The following ART3 variants were observed in gnomAD, a reference collection of about 807,000 sequenced individuals.
The protein encoded by ART3 is ecto-ADP-ribosyltransferase 3.
A neutral mutation model predicts 48.5 loss-of-function variants in ART3; 49 were observed. The ratio of observed to expected loss-of-function variants is 1.01; its 90% CI spans 0.80 to 1.28. ART3 has a LOEUF of 1.28. ART3 is among the 50% of genes most tolerant of loss of function. ART3 has a pLI of 0.00. For missense variants in ART3, 438 were observed against 454.3 expected (o/e 0.96, Z 0.33); for synonymous variants, 145 against 157.2 (o/e 0.92, Z 0.58).
intron 1 of ART3, among the ~76,000 whole-genome samples, chr4:76,053,794 GTCATT>G (rs1485108734): frequency 9.9e-5 from 15 of 152,134 alleles, no homozygotes; most frequent in Admixed American, 6.5e-5. Context: ...AATGTTTGCT[GTCATT>G]TGTATGTATG....
In ART3 at chr4:76,098,954, G is replaced by A. The variant is rs1413400842; in HGVS notation, c.815-1G>A. On this transcript the variant is annotated splice_acceptor_variant, in intron 4 of 11. Transcript: ENST00000355810. LOFTEE classifies it high-confidence loss of function. Reference sequence around the variant, plus strand: ...GTAATGAAAACATGTCTGTATTTCAGAATATTTTCAACCCATCTATGTCTA... The same window carrying A: ...GTAATGAAAACATGTCTGTATTTCAAAATATTTTCAACCCATCTATGTCTA... 5.6e-6 allele frequency: 9 copies of A among 1,605,928 alleles called. No individual in the cohort carries two copies. Among genetic ancestry groups the A allele is most frequent in the Non-Finnish European group, 6.8e-6 (8 of 1,172,808 alleles).
At chr4:76,053,801 G>A (rs1468109556) in intron 1 of ART3, among the ~76,000 whole-genome samples, 1 of 152,122 alleles carries the variant, frequency 6.6e-6, no homozygotes, top group Non-Finnish European at 1.5e-5. Flanking sequence ...GCTGTCATTT[G>A]TATGTATGTG....
At chr4:76,011,741 G>A (rs1222479438) in intron 1 of ART3, among the ~76,000 whole-genome samples, 2 of 152,200 alleles carry the variant, frequency 1.3e-5, no homozygotes, top group Non-Finnish European at 2.9e-5. Context: ...GGTAGGGTAG[G>A]GCCCCGCCCC....
rs115505979 is a variant in ART3 at position 76,026,935 on chromosome 4, A to G, written c.-10+15615A>G. On this transcript the variant is annotated intron_variant, in intron 1 of 9. Transcript: ENST00000341029. ...ATTCTAATTGGGAAGACCAGAAACT[A>G]TGAAACAATAAATATCAATAAGAGA... Among the ~76,000 whole-genome samples, 188 of 152,342 alleles carry G rather than the reference A, an allele frequency of 1.2e-3. 1 individual carries two copies. The highest frequency in any genetic ancestry group is 1.9e-3 in the Non-Finnish European group (130 of 68,028).
chr4:76,052,482 T>C (rs1025543936), intron 1 of ART3, among the ~76,000 whole-genome samples: 1 of 152,146 alleles, frequency 6.6e-6, no homozygotes, highest in African/African-American at 2.4e-5. Flanking sequence ...ATTTGGGGGA[T>C]ACAAATATAA....
chr4:76,064,077 A>C (rs529355177), intron 1 of ART3, among the ~76,000 whole-genome samples: 11 of 152,214 alleles, frequency 7.2e-5, no homozygotes, highest in Non-Finnish European at 8.8e-5. Context: ...AAATGGAAAA[A>C]GTACCCAGGG....
chr4:76,066,707 T>C lies in ART3; in HGVS notation c.-9-9174T>C, dbSNP rs374490492. ...GCCTGGAAAAGGCACCAGTGTCCAC[T>C]CCAGTCAGTGGAACTGGCAGCCTGG... On this transcript the variant is annotated intron_variant, in intron 1 of 9. Transcript: ENST00000341029. 3.3e-5 allele frequency among the ~76,000 whole-genome samples: 5 copies of C among 152,134 alleles called. No homozygotes were observed. The South Asian group carries it at 8.3e-4, about 25-fold the overall frequency.
chr4:76,042,698 G>C (rs536619304), intron 1 of ART3, among the ~76,000 whole-genome samples: 8 of 152,210 alleles, frequency 5.3e-5, no homozygotes, highest in African/African-American at 1.4e-4. Flanking sequence ...GGTCTCGCTG[G>C]CTCAGGAGTG....
chr4:76,108,315 A>G (rs77334062), intron 11 of ART3, among the ~76,000 whole-genome samples: 4,638 of 151,926 alleles, frequency 0.031, 196 homozygotes, highest in African/African-American at 0.095. Context: ...AAGAAAATGG[A>G]GTGAAGAAAT....
intron 11 of ART3, among the ~76,000 whole-genome samples, chr4:76,111,334 A>G (rs1473891695): frequency 6.6e-6 from 1 of 152,182 alleles, no homozygotes; most frequent in Non-Finnish European, 1.5e-5. Context: ...AGCAGAGAGA[A>G]GCCATGACAT....
intron 1 of ART3, among the ~76,000 whole-genome samples, chr4:76,067,217 C>G (rs1388151324): frequency 1.3e-5 from 2 of 152,208 alleles, no homozygotes; most frequent in Non-Finnish European, 2.9e-5. Context: ...AAGATTCTCT[C>G]CAGTTTTCTA....
intron 1 of ART3, chr4:76,022,307 G>T: frequency 7.3e-7 from 1 of 1,376,816 alleles, no homozygotes; most frequent in South Asian, 1.2e-5. Context: ...AAGTATTTCT[G>T]ACTCCCAAGA....
intron 1 of ART3, among the ~76,000 whole-genome samples, chr4:76,067,273 T>C (rs190395402): frequency 2.6e-5 from 4 of 152,338 alleles, no homozygotes; most frequent in Admixed American, 2.0e-4. Flanking sequence ...CCTTTGGGCT[T>C]AGGGAAGGTA....
intron 1 of ART3, among the ~76,000 whole-genome samples, chr4:76,022,143 A>C (rs4859587): frequency 0.61 from 92,985 of 152,016 alleles, 29,518 homozygotes; most frequent in East Asian, 0.94. Flanking sequence ...TTGCTTAGAT[A>C]GTTATAGCTG....
At chr4:76,079,520 A>G (rs1721962614) in intron 2 of ART3, among the ~76,000 whole-genome samples, 1 of 152,226 alleles carries the variant, frequency 6.6e-6, no homozygotes, top group Non-Finnish European at 1.5e-5. Flanking sequence ...TATTTAGATC[A>G]TAATTGAAAC....
chr4:76,107,513 T>C (rs1300012436), intron 10 of ART3: 6 of 304,478 alleles, frequency 2.0e-5, no homozygotes, highest in Non-Finnish European at 3.6e-5. Flanking sequence ...TAGAAAATAC[T>C]TTTTGTGAAT....
chr4:76,018,607 A>G (rs1476642007), intron 1 of ART3, among the ~76,000 whole-genome samples: 4 of 152,222 alleles, frequency 2.6e-5, no homozygotes, highest in African/African-American at 9.6e-5. Context: ...GGAAAGAAAA[A>G]AAATTCAAGA....
At chr4:76,036,215 C>T in intron 1 of ART3, 1 of 480,994 alleles carries the variant, frequency 2.1e-6, no homozygotes. Flanking sequence ...GTTACTGTCC[C>T]TTCCTATTTG....
intron 1 of ART3, among the ~76,000 whole-genome samples, chr4:76,042,950 GTTTACAAT>G: frequency 6.6e-6 from 1 of 151,954 alleles, no homozygotes; most frequent in South Asian, 2.1e-4. Flanking sequence ...TGATTGGTGC[GTTTACAAT>G]CCCTGAGCTA....
Sources: gnomAD v4.1 joint callset for allele counts (sites outside exome capture counted in the v4.1 genomes callset) on GRCh38, gnomAD v4.1.1 for gene constraint, MANE v1.5 for transcripts, NCBI Gene and HGNC (gene_info 2026-07-23, HGNC 2026-07-21) for gene names.